The following TEAD1 variants were observed in gnomAD, a reference collection of about 807,000 sequenced individuals.
TEAD1 encodes the protein transcriptional enhancer factor TEF-1.
TEAD1 carries 9 observed loss-of-function variants against 54.9 expected under a neutral mutation model. The ratio of observed to expected loss-of-function variants is 0.16; its 90% CI spans 0.10 to 0.29. TEAD1 has a LOEUF of 0.29. TEAD1 is among the 10% of genes least tolerant of loss of function. The pLI, the probability that TEAD1 is intolerant of heterozygous loss-of-function variation, is 1.00. For missense variants in TEAD1, 387 were observed against 535.9 expected (o/e 0.72, Z 2.74); for synonymous variants, 200 against 187.8 (o/e 1.07, Z -0.53).
chr11:12,684,229 G>A (rs1943285076), intron 2 of TEAD1, among the ~76,000 whole-genome samples: 3 of 152,172 alleles, frequency 2.0e-5, no homozygotes, highest in Non-Finnish European at 4.4e-5. Flanking sequence ...TTCATAAAGT[G>A]GAGGAAATCC....
In TEAD1 at chr11:12,941,763, A is replaced by G. The variant is rs1949164736; in HGVS notation, c.*4541A>G. On this transcript the variant is annotated 3_prime_UTR_variant, in exon 13 of 13. Transcript: ENST00000527636. ...ATGTTGCATGTAGGGTATGCAGTGC[A>G]AAAGGCTGCCTCAGAACTGTGAGCC... 6.6e-6 allele frequency: 1 copy of G among 152,660 alleles called. No individual in the cohort carries two copies. Among genetic ancestry groups the G allele is most frequent in the South Asian group, 2.1e-4 (1 of 4,832 alleles). 9.5% of individuals were successfully genotyped at this position (152,660 alleles called of 1,614,324 possible).
intron 3 of TEAD1, among the ~76,000 whole-genome samples, chr11:12,796,429 G>T (rs1310438702): frequency 6.6e-6 from 1 of 152,176 alleles, no homozygotes; most frequent in Non-Finnish European, 1.5e-5. Flanking sequence ...TGCTTACGAT[G>T]TTTAGCAATT....
At chr11:12,837,724 C>CTCCTTA (rs1397596919) in intron 3 of TEAD1, among the ~76,000 whole-genome samples, 3 of 70,802 alleles carry the variant, frequency 4.2e-5, no homozygotes, top group Admixed American at 1.4e-4. Flanking sequence ...CCTTCTCCTT[C>CTCCTTA]TTCTTCTCCT....
At chr11:12,706,018 T>C (rs1943806925) in intron 2 of TEAD1, among the ~76,000 whole-genome samples, 1 of 152,248 alleles carries the variant, frequency 6.6e-6, no homozygotes, top group South Asian at 2.1e-4. Context: ...CAATACAGGC[T>C]GTTTTCTTAC....
At chr11:12,810,125 CG>C (rs1946269230) in intron 3 of TEAD1, among the ~76,000 whole-genome samples, 1 of 151,908 alleles carries the variant, frequency 6.6e-6, no homozygotes, top group Non-Finnish European at 1.5e-5. Flanking sequence ...GGACTATAGG[CG>C]CACACCACCA....
At chr11:12,905,851 A>G (rs752883199) in intron 10 of TEAD1, among the ~76,000 whole-genome samples, 4 of 152,136 alleles carry the variant, frequency 2.6e-5, no homozygotes, top group East Asian at 1.9e-4. Context: ...GCTACGTCCA[A>G]CCTGGGCTCG....
intron 3 of TEAD1, among the ~76,000 whole-genome samples, chr11:12,841,069 CAT>C (rs1947029654): frequency 6.6e-6 from 1 of 152,188 alleles, no homozygotes; most frequent in African/African-American, 2.4e-5. Context: ...ATGTGTGAGT[CAT>C]GTGGGAAGTT....
At chr11:12,737,274 G>C (rs1216631838) in intron 2 of TEAD1, among the ~76,000 whole-genome samples, 6 of 149,354 alleles carry the variant, frequency 4.0e-5, no homozygotes, top group Non-Finnish European at 1.5e-5. Flanking sequence ...TATCTTTGCA[G>C]TTCACATAAG....
At chr11:12,722,911 C>T (rs1192257264) in intron 2 of TEAD1, among the ~76,000 whole-genome samples, 2 of 152,072 alleles carry the variant, frequency 1.3e-5, no homozygotes, top group Non-Finnish European at 2.9e-5. Flanking sequence ...TTTTAATGAT[C>T]TTACAATCTA....
intron 2 of TEAD1, among the ~76,000 whole-genome samples, chr11:12,709,372 A>G (rs1186348944): frequency 6.6e-6 from 1 of 151,526 alleles, no homozygotes; most frequent in Non-Finnish European, 1.5e-5. Context: ...GAATAATTTG[A>G]TGTTTACTTT....
chr11:12,874,321 T>C (rs779292709), intron 5 of TEAD1, among the ~76,000 whole-genome samples: 2 of 152,212 alleles, frequency 1.3e-5, no homozygotes, highest in Non-Finnish European at 2.9e-5. Context: ...TCCTCTGATA[T>C]CCAGACTGAT....
rs150544692 is a variant in TEAD1, at chr11:12,871,394, A to G, written c.330+6494A>G. ...TCTACTTCGAATTGTTTCACTTACCATTAATTCATGAAAAAGTCATTAACT... is the reference window on the plus strand; with the variant it reads ...TCTACTTCGAATTGTTTCACTTACCGTTAATTCATGAAAAAGTCATTAACT... On this transcript the variant is annotated intron_variant, in intron 5 of 12. Coordinates refer to ENST00000527636, the MANE Select transcript of TEAD1 (RefSeq NM_021961.6). Among the ~76,000 whole-genome samples, 381 of 152,324 alleles carry G rather than the reference A, an allele frequency of 2.5e-3. 3 individuals carry two copies. Among genetic ancestry groups the G allele is most frequent in the Middle Eastern group, 0.014 (4 of 294 alleles).
chr11:12,825,704 C>T (rs1021031264), intron 3 of TEAD1, among the ~76,000 whole-genome samples: 8 of 151,378 alleles, frequency 5.3e-5, no homozygotes, highest in Non-Finnish European at 7.4e-5. Flanking sequence ...CAAAACAATT[C>T]GGAAAGGGAA....
intron 3 of TEAD1, among the ~76,000 whole-genome samples, chr11:12,776,875 A>G (rs1281137795): frequency 1.3e-5 from 2 of 150,578 alleles, no homozygotes; most frequent in Admixed American, 6.6e-5. Flanking sequence ...TCTCACTGCA[A>G]CCTCCACCTC....
At chr11:12,804,027 A>G (rs1328363296) in intron 3 of TEAD1, among the ~76,000 whole-genome samples, 1 of 152,226 alleles carries the variant, frequency 6.6e-6, no homozygotes, top group Non-Finnish European at 1.5e-5. Context: ...ATGCCTAAGT[A>G]TGTCTCAGGA....
intron 2 of TEAD1, among the ~76,000 whole-genome samples, chr11:12,721,307 T>C (rs1944192534): frequency 6.6e-6 from 1 of 152,162 alleles, no homozygotes; most frequent in Non-Finnish European, 1.5e-5. Context: ...GATGACCAGG[T>C]TCAGGAGCAC....
At chr11:12,842,580 C>T (rs1367974305) in intron 3 of TEAD1, among the ~76,000 whole-genome samples, 1 of 152,190 alleles carries the variant, frequency 6.6e-6, no homozygotes, top group Non-Finnish European at 1.5e-5. Context: ...CAAGCATTCT[C>T]TCCTGGGTCT....
intron 10 of TEAD1, among the ~76,000 whole-genome samples, chr11:12,916,332 G>A (rs1263599218): frequency 1.3e-5 from 2 of 152,140 alleles, no homozygotes; most frequent in African/African-American, 2.4e-5. Flanking sequence ...CCCGACAAAC[G>A]TGGGTTGGGG....
At position 12,769,799 on chromosome 11, in the gene TEAD1, G is replaced by A. The variant is rs545874119; in HGVS notation, c.202+5365G>A. Among the ~76,000 whole-genome samples the A allele has an allele frequency of 9.2e-5, 14 of 152,312 alleles. No homozygotes were observed. The South Asian group carries it at 2.7e-3, about 29-fold the overall frequency. On this transcript the variant is annotated intron_variant, in intron 3 of 12. Coordinates refer to ENST00000527636, the MANE Select transcript of TEAD1 (RefSeq NM_021961.6). ...AGCTATGTGGTAGAACAGGCTAGAA[G>A]CTCCCAAAGCCGGGACCCCACCGAT... is the stretch of plus-strand genomic sequence containing the variant.
Sources: gnomAD v4.1 joint callset for allele counts (sites outside exome capture counted in the v4.1 genomes callset) on GRCh38, gnomAD v4.1.1 for gene constraint, MANE v1.5 for transcripts, NCBI Gene and HGNC (gene_info 2026-07-23, HGNC 2026-07-21) for gene names.